Variants in MCTP1 observed in about 807,000 individuals in gnomAD.
The protein encoded by MCTP1 is multiple C2 and transmembrane domain containing 1.
Under a neutral mutation model 120.6 loss-of-function variants are expected in MCTP1, and 69 were observed. That is an observed-to-expected ratio of 0.57 (90% CI 0.47 to 0.70). MCTP1 has a LOEUF of 0.70. Among genes scored for constraint, MCTP1 ranks in the 30% least tolerant of loss-of-function variants. MCTP1 has a pLI of 0.00. For missense variants in MCTP1, 1,203 were observed against 1,248.8 expected, an observed-to-expected ratio of 0.96 and a Z score of 0.55; for synonymous variants, 529 against 493.1, an observed-to-expected ratio of 1.07 and a Z score of -0.96.
chr5:95,166,958 G>C (rs1379716731), intron 1 of MCTP1, among the ~76,000 whole-genome samples: 1 of 142,626 alleles, frequency 7.0e-6, no homozygotes, highest in Non-Finnish European at 1.5e-5. Flanking sequence ...GGGTGCATGT[G>C]CACAATGTGC....
chr5:95,001,504 C>T (rs1833683751), intron 2 of MCTP1, among the ~76,000 whole-genome samples: 1 of 152,126 alleles, frequency 6.6e-6, no homozygotes, highest in Non-Finnish European at 1.5e-5. Flanking sequence ...GACCAAAATG[C>T]TGATAGTAAT....
At chr5:95,204,679 G>A (rs1480621684) in intron 1 of MCTP1, among the ~76,000 whole-genome samples, 2 of 152,042 alleles carry the variant, frequency 1.3e-5, no homozygotes, top group Non-Finnish European at 2.9e-5. Flanking sequence ...CTACAAGATT[G>A]CAGGACAAGA....
intron 5 of MCTP1, 114 bp from the exon 6 acceptor site, chr5:94,932,105 C>A (rs534722601): frequency 6.0e-6 from 4 of 664,206 alleles, no homozygotes; most frequent in Middle Eastern, 2.8e-4. Flanking sequence ...ACAGTTCCTG[C>A]AGCAATTATA....
intron 19 of MCTP1, among the ~76,000 whole-genome samples, chr5:94,760,427 G>A (rs532223851): frequency 3.0e-4 from 46 of 152,242 alleles, no homozygotes; most frequent in Middle Eastern, 3.4e-3. Context: ...CTGTATATTC[G>A]TTTATCATAT....
At chr5:95,265,383 C>T (rs1758802334) in intron 1 of MCTP1, among the ~76,000 whole-genome samples, 1 of 152,196 alleles carries the variant, frequency 6.6e-6, no homozygotes, top group Non-Finnish European at 1.5e-5. Context: ...AGGAAGCAAT[C>T]GTTTGTGCTT....
intron 2 of MCTP1, among the ~76,000 whole-genome samples, chr5:95,005,766 CTTTA>C (rs1411734144): frequency 6.0e-3 from 121 of 20,328 alleles, no homozygotes; most frequent in East Asian, 0.056. Flanking sequence ...TCTTTTCTTT[CTTTA>C]TTTTTTTTTT....
chr5:94,743,494 C>T (rs558640934), intron 19 of MCTP1, among the ~76,000 whole-genome samples: 17 of 152,126 alleles, frequency 1.1e-4, no homozygotes, highest in Admixed American at 9.2e-4. Context: ...CCGACACAAA[C>T]GGAAACGCCT....
Position 95,186,208 on chromosome 5 carries a change from T to C in MCTP1, c.720+97648A>G, listed in dbSNP as rs569032793. Among the ~76,000 whole-genome samples the C allele has an allele frequency of 8.0e-5, 12 of 149,286 alleles. No homozygotes were observed. In the East Asian group the frequency reaches 2.4e-3, roughly 29 times the overall value. Reference sequence around the variant, plus strand: ...GACTGGGAAAGAAGAAGTAAACCCATCTCTATTTGCAGATAACGTAATTGT... The same window carrying C: ...GACTGGGAAAGAAGAAGTAAACCCACCTCTATTTGCAGATAACGTAATTGT... On this transcript the variant is annotated intron_variant, in intron 1 of 22. Transcript: ENST00000515393.
At chr5:94,846,807 C>CTG (rs1206315344) in intron 17 of MCTP1, among the ~76,000 whole-genome samples, 140 of 129,242 alleles carry the variant, frequency 1.1e-3, no homozygotes, top group African/African-American at 4.4e-3. Flanking sequence ...ATGTGTGTCT[C>CTG]TGTGTGTGTC....
intron 1 of MCTP1, among the ~76,000 whole-genome samples, chr5:95,092,417 C>T (rs1755915242): frequency 6.6e-6 from 1 of 152,158 alleles, no homozygotes; most frequent in Non-Finnish European, 1.5e-5. Context: ...AGGAGGAATA[C>T]GTTCTAGTAT....
chr5:94,947,621 GAA>G lies in MCTP1; in HGVS notation c.982-5196_982-5195del, dbSNP rs1491188206. Reference sequence around the variant, plus strand: ...AGAGAGAGAGAGAGAGAGAGAGAGAGAAAGAGAGACAGGGTCCAGGGTCTCAC... The same window carrying G: ...AGAGAGAGAGAGAGAGAGAGAGAGAGAGAGAGACAGGGTCCAGGGTCTCAC... On this transcript the variant is annotated intron_variant, in intron 3 of 22. Transcript: ENST00000515393. Among the ~76,000 whole-genome samples the G allele has an allele frequency of 7.5e-3, 927 of 123,642 alleles. 18 individuals carry two copies. The highest frequency in any genetic ancestry group is 0.023 in the African/African-American group (720 of 31,374). 81.1% of individuals were successfully genotyped at this position (123,642 alleles called of 152,430 possible).
At chr5:94,812,617 T>C (rs1320556887) in intron 17 of MCTP1, among the ~76,000 whole-genome samples, 1 of 151,890 alleles carries the variant, frequency 6.6e-6, no homozygotes, top group East Asian at 1.9e-4. Flanking sequence ...AATTACTATA[T>C]ACAGAAAATT....
chr5:94,848,401 G>A (rs561007452), intron 17 of MCTP1, among the ~76,000 whole-genome samples: 3 of 151,808 alleles, frequency 2.0e-5, no homozygotes, highest in African/African-American at 4.8e-5. Flanking sequence ...GTCACCCTCC[G>A]AGAAAATGCC....
intron 19 of MCTP1, among the ~76,000 whole-genome samples, chr5:94,770,369 T>C (rs1773777612): frequency 6.6e-6 from 1 of 152,234 alleles, no homozygotes; most frequent in South Asian, 2.1e-4. Flanking sequence ...ACTGCTGCAA[T>C]ACAGAAGTTA....
intron 17 of MCTP1, among the ~76,000 whole-genome samples, chr5:94,818,708 T>C (rs115290281): frequency 9.7e-4 from 147 of 152,330 alleles, no homozygotes; most frequent in African/African-American, 3.5e-3. Context: ...TTCTTTCTTC[T>C]TCTCAATGGC....
At chr5:95,163,556 C>T (rs886268628) in intron 1 of MCTP1, among the ~76,000 whole-genome samples, 3 of 152,158 alleles carry the variant, frequency 2.0e-5, no homozygotes, top group South Asian at 2.1e-4. Context: ...CTGCCTAACA[C>T]GTGTTGGGTA....
intron 10 of MCTP1, among the ~76,000 whole-genome samples, chr5:94,906,514 A>G (rs935148327): frequency 1.1e-4 from 16 of 152,084 alleles, no homozygotes; most frequent in Admixed American, 5.2e-4. Context: ...GGAAGTGGGT[A>G]ATGTTCAGTA....
At chr5:94,784,789 A>G (rs1580675396) in intron 18 of MCTP1, 1 of 152,034 alleles carries the variant, frequency 6.6e-6, no homozygotes, top group Non-Finnish European at 1.5e-5. Flanking sequence ...ATTGCAGTAC[A>G]AAAGAAGGCA....
intron 18 of MCTP1, among the ~76,000 whole-genome samples, chr5:94,786,644 C>T (rs1580685998): frequency 6.6e-6 from 1 of 152,150 alleles, no homozygotes; most frequent in Admixed American, 6.5e-5. Context: ...GCCTGGTCTA[C>T]TTATCATTTC....
Sources: allele counts gnomAD v4.1 joint callset (sites outside exome capture counted in the v4.1 genomes callset), GRCh38; gene constraint gnomAD v4.1.1; transcripts MANE v1.5; gene names NCBI Gene and HGNC (gene_info 2026-07-23, HGNC 2026-07-21).